The following HS3ST4 variants were observed in gnomAD, a reference collection of about 807,000 sequenced individuals.
HS3ST4 encodes the protein heparan sulfate-glucosamine 3-sulfotransferase 4, also known as heparan sulfate glucosamine 3-O-sulfotransferase 4.
HS3ST4 carries 17 observed loss-of-function variants against 29.2 expected under a neutral mutation model. The ratio of observed to expected loss-of-function variants is 0.58; its 90% confidence interval spans 0.40 to 0.87. HS3ST4 has a LOEUF of 0.87. Ranked by LOEUF, HS3ST4 falls within the 40% of genes least tolerant of loss-of-function variation. The pLI is 0.00. For missense variants in HS3ST4, 627 were observed against 634.5 expected, an observed-to-expected ratio of 0.99 and a Z score of 0.13; for synonymous variants, 314 against 285.7, an observed-to-expected ratio of 1.10 and a Z score of -1.00.
At position 25,692,639 on chromosome 16, in the gene HS3ST4, G is replaced by T; in HGVS notation, c.222G>T (p.Glu74Asp). The change falls in exon 1 of 2, where the codon GAG (glutamate) becomes GAT (aspartate). Residue 74 changes from glutamate (E) to aspartate (D), a missense_variant. Around this residue, in one of 2 missense-constraint regions of HS3ST4, gnomAD observed 402 missense variants for 340.8 expected, o/e 1.18. Transcript: ENST00000331351. ...AGGAGTCGCCGGGCGCCGCCGCCGA[G>T]CCCCCGCCGAGCCCGCCGCCACCCT... ...ALQESPGAAA[E>D]PPPSPPPPSL... is the part of the protein sequence containing the mutation. 7.4e-7 allele frequency: 1 copy of T among 1,355,766 alleles called. No individual in the cohort carries two copies. Among genetic ancestry groups the T allele is most frequent in the Non-Finnish European group, 9.6e-7 (1 of 1,044,924 alleles). 84.0% of individuals were successfully genotyped at this position (1,355,766 alleles called of 1,614,324 possible).
At chr16:26,086,436 G>A (rs1326434100) in intron 1 of HS3ST4, among the ~76,000 whole-genome samples, 3 of 151,296 alleles carry the variant, frequency 2.0e-5, no homozygotes, top group Admixed American at 2.0e-4. Context: ...TGCAAGCTCC[G>A]CCTCCCAAGT....
At chr16:25,878,174 A>T (rs922016056) in intron 1 of HS3ST4, among the ~76,000 whole-genome samples, 1 of 152,168 alleles carries the variant, frequency 6.6e-6, no homozygotes, top group Non-Finnish European at 1.5e-5. Flanking sequence ...TTAATTATGG[A>T]TAACAATGGC....
intron 1 of HS3ST4, among the ~76,000 whole-genome samples, chr16:26,006,113 A>G (rs1969255492): frequency 6.6e-6 from 1 of 151,986 alleles, no homozygotes; most frequent in African/African-American, 2.4e-5. Flanking sequence ...AGCCTGGACA[A>G]CATGGTAAAA....
chr16:25,751,301 G>A (rs928351113), intron 1 of HS3ST4, among the ~76,000 whole-genome samples: 1 of 152,136 alleles, frequency 6.6e-6, no homozygotes, highest in African/African-American at 2.4e-5. Context: ...ATGTGTGTGT[G>A]TATGCATGTG....
intron 1 of HS3ST4, among the ~76,000 whole-genome samples, chr16:25,943,842 A>G (rs916707829): frequency 4.6e-5 from 7 of 152,292 alleles, no homozygotes; most frequent in Middle Eastern, 3.4e-3. Flanking sequence ...GGTGAGACCT[A>G]TGATGGTTTC....
intron 1 of HS3ST4, among the ~76,000 whole-genome samples, chr16:25,941,133 A>T (rs1181874725): frequency 9.2e-5 from 14 of 151,934 alleles, no homozygotes; most frequent in Non-Finnish European, 1.8e-4. Context: ...TCACAACCCA[A>T]TACCCTGTTT....
intron 1 of HS3ST4, among the ~76,000 whole-genome samples, chr16:25,948,654 C>T (rs141697073): frequency 3.9e-5 from 6 of 152,250 alleles, no homozygotes; most frequent in East Asian, 1.9e-4. Flanking sequence ...GTGTAAAACT[C>T]CAGGCATTCC....
intron 1 of HS3ST4, among the ~76,000 whole-genome samples, chr16:25,721,315 C>T (rs1466970261): frequency 1.3e-5 from 2 of 152,162 alleles, no homozygotes; most frequent in Non-Finnish European, 2.9e-5. Context: ...CCTTAGGGAT[C>T]CCAGGGAACA....
At chr16:26,024,322 T>A (rs1205299775) in intron 1 of HS3ST4, among the ~76,000 whole-genome samples, 1 of 152,016 alleles carries the variant, frequency 6.6e-6, no homozygotes, top group Non-Finnish European at 1.5e-5. Flanking sequence ...CTTATCATAA[T>A]AGTTCATTAG....
chr16:25,784,260 A>G (rs551821626), intron 1 of HS3ST4, among the ~76,000 whole-genome samples: 1 of 152,302 alleles, frequency 6.6e-6, no homozygotes, highest in South Asian at 2.1e-4. Context: ...CAATATTCAA[A>G]TTAGACCAGT....
At chr16:25,917,959 C>T (rs890041858) in intron 1 of HS3ST4, among the ~76,000 whole-genome samples, 1 of 152,172 alleles carries the variant, frequency 6.6e-6, no homozygotes, top group Non-Finnish European at 1.5e-5. Flanking sequence ...TTGATTCACC[C>T]CATCCATGCT....
At chr16:25,712,378 C>T (rs1033224926) in intron 1 of HS3ST4, among the ~76,000 whole-genome samples, 1 of 151,924 alleles carries the variant, frequency 6.6e-6, no homozygotes, top group African/African-American at 2.4e-5. Flanking sequence ...AAAAATTAGC[C>T]TGCGTGGTGG....
At chr16:25,740,809 A>G (rs1966646622) in intron 1 of HS3ST4, among the ~76,000 whole-genome samples, 1 of 152,180 alleles carries the variant, frequency 6.6e-6, no homozygotes, top group Admixed American at 6.5e-5. Flanking sequence ...AGGGGTTCAC[A>G]TATCCTTTGC....
intron 1 of HS3ST4, among the ~76,000 whole-genome samples, chr16:25,721,154 T>G (rs1235771703): frequency 6.6e-6 from 1 of 152,022 alleles, no homozygotes; most frequent in Non-Finnish European, 1.5e-5. Flanking sequence ...GGAAGAGTGT[T>G]TGGGCATAAG....
intron 1 of HS3ST4, among the ~76,000 whole-genome samples, chr16:26,027,074 T>A (rs1412645136): frequency 6.6e-6 from 1 of 152,202 alleles, no homozygotes; most frequent in Non-Finnish European, 1.5e-5. Context: ...AAGTCCCAAC[T>A]GCAGACCTTT....
chr16:25,953,042 C>T (rs1014883943), intron 1 of HS3ST4, among the ~76,000 whole-genome samples: 3 of 152,104 alleles, frequency 2.0e-5, no homozygotes, highest in African/African-American at 7.2e-5. Flanking sequence ...TCTGTATGGC[C>T]CTTCTTGGTT....
intron 1 of HS3ST4, among the ~76,000 whole-genome samples, chr16:26,024,139 G>A (rs903410619): frequency 1.3e-5 from 2 of 151,132 alleles, no homozygotes; most frequent in Non-Finnish European, 2.9e-5. Flanking sequence ...CAGGAGAATC[G>A]CTTGAACCCG....
chr16:25,959,005 A>G (rs1364704260), intron 1 of HS3ST4, among the ~76,000 whole-genome samples: 2 of 152,236 alleles, frequency 1.3e-5, no homozygotes, highest in African/African-American at 4.8e-5. Context: ...ACACTGAGAC[A>G]TGGGTTGCAG....
chr16:25,803,621 G>T (rs781258453), intron 1 of HS3ST4, among the ~76,000 whole-genome samples: 1 of 152,108 alleles, frequency 6.6e-6, no homozygotes, highest in Non-Finnish European at 1.5e-5. Context: ...AGAAGTAAAT[G>T]AAGACTTCCT....
Sources: gnomAD v4.1 joint callset for allele counts (sites outside exome capture counted in the v4.1 genomes callset) on GRCh38, gnomAD v4.1.1 for gene constraint, gnomAD v4.1.1 regional missense constraint, MANE v1.5 for transcripts, NCBI Gene and HGNC (gene_info 2026-07-23, HGNC 2026-07-21) for gene names.